Variants in SPARC observed in about 807,000 individuals in gnomAD.
The protein encoded by SPARC is basement-membrane protein 40.
SPARC carries 23 observed loss-of-function variants against 37.7 expected under a neutral mutation model. That is an observed-to-expected ratio of 0.61 (90% CI 0.44 to 0.87). The LOEUF is 0.87. SPARC is among the 40% of genes least tolerant of loss of function. The pLI is 0.00. For synonymous variants in SPARC, 155 were observed against 150.8 expected (o/e 1.03, Z -0.20); for missense variants, 312 against 389.0 (o/e 0.80, Z 1.66).
intron 4 of SPARC, chr5:151,671,966 G>T: frequency 2.3e-6 from 1 of 428,650 alleles, no homozygotes; most frequent in East Asian, 4.4e-5. Flanking sequence ...AGAAACACTA[G>T]ATACCATATG....
At chr5:151,663,955 G>T in intron 9 of SPARC, 132 bp downstream of exon 9, 1 of 1,077,988 alleles carries the variant, frequency 9.3e-7, no homozygotes, top group Non-Finnish European at 1.4e-6. Flanking sequence ...CAAATAGGCA[G>T]AGAGAGCAGA....
rs762708824 is a variant in SPARC, at chr5:151,666,545, A to G, written c.586-36T>C. 24 of 1,604,436 alleles carry G rather than the reference A, an allele frequency of 1.5e-5. 1 individual carries two copies. In the South Asian group the frequency reaches 2.6e-4, roughly 17 times the overall value. On this transcript the variant is annotated intron_variant, in intron 7 of 9. Coordinates refer to ENST00000231061, the MANE Select transcript of SPARC (RefSeq NM_003118.4). ...AGAGACTGTGTGTGACAAGAGGTCCATGGAGATTGTCTGGACCAGTCGGGC... is the reference window on the plus strand; with the variant it reads ...AGAGACTGTGTGTGACAAGAGGTCCGTGGAGATTGTCTGGACCAGTCGGGC...
chr5:151,674,568 A>G lies in SPARC; in HGVS notation c.120+44T>C, dbSNP rs1403465049. The G allele has an allele frequency of 2.5e-6, 4 of 1,590,534 alleles. No individual in the cohort carries two copies. In the Admixed American group the frequency reaches 5.0e-5, roughly 20 times the overall value. ...CGCCCTAATTTCTCAGGGCACAGAT[A>G]CAGGTAGAGAGGGGCTAAGGGGCTG... On this transcript the variant is annotated intron_variant, in intron 3 of 9. Transcript: ENST00000231061.
At chr5:151,685,422 TCACACACACACACA>T (rs3033198) in intron 1 of SPARC, among the ~76,000 whole-genome samples, 4 of 140,432 alleles carry the variant, frequency 2.8e-5, no homozygotes, top group Non-Finnish European at 6.1e-5. Flanking sequence ...CCTCTCTCTC[TCACACACACACACA>T]CACACACACA....
intron 3 of SPARC, among the ~76,000 whole-genome samples, 165 bp downstream of exon 3, chr5:151,674,447 G>A (rs1009472973): frequency 6.6e-6 from 1 of 152,182 alleles, no homozygotes; most frequent in Non-Finnish European, 1.5e-5. Context: ...GCATTCAGGA[G>A]TGTGTCAGGA....
Position 151,663,452 on chromosome 5 carries a change from A to C in SPARC, c.*119T>G, listed in dbSNP as rs978527102. ...TTAGCACCGTTAATGTATTCACTTA[A>C]ATCTATGTTAGCACCTTGTCTCCAG... On this transcript the variant is annotated 3_prime_UTR_variant, in exon 10 of 10. Coordinates refer to ENST00000231061, the MANE Select transcript of SPARC (RefSeq NM_003118.4). 3.1e-6 allele frequency: 3 copies of C among 968,490 alleles called. No individual in the cohort carries two copies. Among genetic ancestry groups the C allele is most frequent in the Non-Finnish European group, 3.2e-6 (2 of 615,770 alleles). 60.0% of individuals were successfully genotyped at this position (968,490 alleles called of 1,614,324 possible). A position where few individuals can be genotyped will look rare whatever the true frequency, so the allele number is the denominator to read the frequency against.
intron 4 of SPARC, chr5:151,671,968 T>C: frequency 2.4e-6 from 1 of 420,604 alleles, no homozygotes; most frequent in East Asian, 4.6e-5. Context: ...AAACACTAGA[T>C]ACCATATGGC....
At chr5:151,674,013 T>TGC (rs1433743125) in intron 3 of SPARC, among the ~76,000 whole-genome samples, 2,348 of 123,242 alleles carry the variant, frequency 0.019, 36 homozygotes, top group African/African-American at 0.04. Context: ...TGTGTGCTTG[T>TGC]TTGTTTGTTT....
At chr5:151,674,805 C>T in intron 2 of SPARC, 131 bp from the exon 3 acceptor site, 1 of 790,876 alleles carries the variant, frequency 1.3e-6, no homozygotes, top group Non-Finnish European at 2.1e-6. Flanking sequence ...CAAAGTTGTG[C>T]CTCATGGACT....
At chr5:151,673,966 CTGTGTGTGTGTGTG>C (rs3138755) in intron 3 of SPARC, among the ~76,000 whole-genome samples, 44 of 141,860 alleles carry the variant, frequency 3.1e-4, no homozygotes, top group East Asian at 1.3e-3. Context: ...CCCCTTTCCT[CTGTGTGTGTGTGTG>C]TGTGTGTGTG....
At chr5:151,668,141 T>G (rs981075480) in intron 6 of SPARC, among the ~76,000 whole-genome samples, 3 of 139,498 alleles carry the variant, frequency 2.2e-5, no homozygotes, top group Non-Finnish European at 4.6e-5. Context: ...TTTCTTTTCT[T>G]TTTTCTTTTT....
rs1239041616 is a variant in SPARC, at chr5:151,661,882, T to C, written c.*1689A>G. 1 of 152,230 alleles carries C rather than the reference T, an allele frequency of 6.6e-6. No homozygotes were observed. Among genetic ancestry groups the C allele is most frequent in the Non-Finnish European group, 1.5e-5 (1 of 68,034 alleles). The allele number at this position is 152,230 out of a possible 1,614,324, so 9.4% of individuals were successfully genotyped here. A position where few individuals can be genotyped will look rare whatever the true frequency, so the allele number is the denominator to read the frequency against. ...GGGTAGTGGCTGCCGTACGGAACAGTACAGCACTAGAATAATGCTGTGTCC... is the reference window on the plus strand; with the variant it reads ...GGGTAGTGGCTGCCGTACGGAACAGCACAGCACTAGAATAATGCTGTGTCC... On this transcript the variant is annotated 3_prime_UTR_variant, in exon 10 of 10. Coordinates refer to ENST00000231061, the MANE Select transcript of SPARC (RefSeq NM_003118.4).
At position 151,661,762 on chromosome 5, in the gene SPARC, A is replaced by G. The variant is rs1760510643; in HGVS notation, c.*1809T>C. ...TCAATAGGGTAACCACTAATCATGC[A>G]TGGCTCTCAAGCACTTGAAATGTTG... On this transcript the variant is annotated 3_prime_UTR_variant, in exon 10 of 10. Transcript: ENST00000231061. 1 of 152,222 alleles carries G rather than the reference A, an allele frequency of 6.6e-6. No homozygotes were observed. The highest frequency in any genetic ancestry group is 1.5e-5 in the Non-Finnish European group (1 of 68,020). The allele number at this position is 152,222 out of a possible 1,614,324, so 9.4% of individuals were successfully genotyped here.
In SPARC at chr5:151,667,594, G is replaced by A. The variant is rs149616871; in HGVS notation, c.458C>T (p.Pro153Leu). The A allele has an allele frequency of 2.8e-5, 45 of 1,613,974 alleles. No homozygotes were observed. In the African/African-American group the frequency reaches 5.3e-4, roughly 19 times the overall value. The part of the protein sequence containing the change: ...LDYIGPCKYI[P>L]PCLDSELTEF... Reference sequence around the variant, plus strand: ...GGTCAGCTCAGAGTCCAGGCAAGGGGGGATGTCTAGGTTCCAAACACAAGG... The same window carrying A: ...GGTCAGCTCAGAGTCCAGGCAAGGGAGGATGTCTAGGTTCCAAACACAAGG... The change falls in exon 7 of 10, where the codon CCC becomes CTC. Residue 153 changes from proline (P) to leucine (L), a missense_variant. Pro to Leu is a moderately conservative substitution (Grantham distance 98). Transcript: ENST00000231061.
chr5:151,685,414 T>C lies in SPARC; in HGVS notation c.-14+1451A>G, dbSNP rs201850514. Among the ~76,000 whole-genome samples the C allele has an allele frequency of 6.2e-5, 6 of 97,300 alleles. No individual in the cohort carries two copies. The East Asian group carries it at 1.8e-3, about 30-fold the overall frequency. 63.8% of individuals were successfully genotyped at this position (97,300 alleles called of 152,430 possible). On this transcript the variant is annotated intron_variant, in intron 1 of 9. Transcript: ENST00000231061. ...CATCCTCTCTCTCTCTCTCTCTCCC[T>C]CTCTCTCTCACACACACACACACAC...
At chr5:151,671,023 A>G (rs144281134) in intron 5 of SPARC, among the ~76,000 whole-genome samples, 531 of 152,300 alleles carry the variant, frequency 3.5e-3, no homozygotes, top group African/African-American at 0.012. Context: ...GGACGGATGG[A>G]TGGATCCTAT....
In SPARC at chr5:151,664,219, C is replaced by T. The variant is rs752377098; in HGVS notation, c.751G>A (p.Glu251Lys). 56 of 1,613,818 alleles carry T rather than the reference C, an allele frequency of 3.5e-5. No homozygotes were observed. Among genetic ancestry groups the T allele is most frequent in the Non-Finnish European group, 4.2e-5 (49 of 1,180,002 alleles). ...HPIDGYLSHT[E>K]LAPLRAPLIP... is the part of the protein sequence containing the mutation. ...AGGGGAGCACGCAGTGGAGCCAGCT[C>T]GGTGTGGGAGAGGTACCTGCAGGGA... Residue 251 changes from glutamate (E) to lysine (K), a missense_variant, in exon 9 of 10, where the codon GAG becomes AAG. Coordinates refer to ENST00000231061, the MANE Select transcript of SPARC (RefSeq NM_003118.4).
intron 1 of SPARC, among the ~76,000 whole-genome samples, chr5:151,677,204 T>C (rs576507911): frequency 6.6e-6 from 1 of 152,208 alleles, no homozygotes; most frequent in Admixed American, 6.5e-5. Context: ...TTTCTTGCAC[T>C]AACTAAATGG....
At chr5:151,682,126 C>T (rs1761007266) in intron 1 of SPARC, among the ~76,000 whole-genome samples, 1 of 152,210 alleles carries the variant, frequency 6.6e-6, no homozygotes, top group African/African-American at 2.4e-5. Flanking sequence ...TGCCCCTTGA[C>T]TCCCTGCTTC....
Sources: allele counts gnomAD v4.1 joint callset (sites outside exome capture counted in the v4.1 genomes callset), GRCh38; gene constraint gnomAD v4.1.1; transcripts MANE v1.5; gene names NCBI Gene and HGNC (gene_info 2026-07-23, HGNC 2026-07-21).